The following CNTN3 variants were observed in gnomAD, a reference collection of about 807,000 sequenced individuals.
The protein encoded by CNTN3 is contactin 3.
Under a neutral mutation model 119.1 loss-of-function variants are expected in CNTN3, and 60 were observed. The ratio of observed to expected loss-of-function variants is 0.50; its 90% CI spans 0.41 to 0.62. CNTN3 has a LOEUF of 0.62. Among genes scored for constraint, CNTN3 ranks in the 20% least tolerant of loss-of-function variants. CNTN3 has a pLI of 0.00. For missense variants in CNTN3, 1,101 were observed against 1,242.4 expected, an observed-to-expected ratio of 0.89 and a Z score of 1.71; for synonymous variants, 450 against 438.7, an observed-to-expected ratio of 1.03 and a Z score of -0.32.
chr3:74,380,511 C>T (rs767211724), intron 5 of CNTN3, among the ~76,000 whole-genome samples: 18 of 152,166 alleles, frequency 1.2e-4, no homozygotes, highest in Non-Finnish European at 2.2e-4. Flanking sequence ...TAATTGTAGA[C>T]AATTATGATT....
chr3:74,358,964 T>C (rs1704013713), intron 11 of CNTN3, among the ~76,000 whole-genome samples: 1 of 152,094 alleles, frequency 6.6e-6, no homozygotes, highest in South Asian at 2.1e-4. Context: ...GGCTGCATAG[T>C]ATTCCATGGT....
At chr3:74,470,268 C>T (rs937227299) in intron 4 of CNTN3, among the ~76,000 whole-genome samples, 19 of 152,106 alleles carry the variant, frequency 1.2e-4, no homozygotes, top group African/African-American at 4.3e-4. Flanking sequence ...GTGGTGATGG[C>T]TGCACAACTC....
At chr3:74,611,711 T>C (rs1298639350) in intron 1 of CNTN3, among the ~76,000 whole-genome samples, 1 of 152,204 alleles carries the variant, frequency 6.6e-6, no homozygotes, top group Non-Finnish European at 1.5e-5. Context: ...CCACCAGCAT[T>C]AAGTGATTAA....
chr3:74,520,496 G>T (rs995194413), intron 2 of CNTN3, among the ~76,000 whole-genome samples: 2 of 151,150 alleles, frequency 1.3e-5, no homozygotes, highest in African/African-American at 4.8e-5. Context: ...ATTAACAAAA[G>T]AAAATACAAC....
rs151097770 is a variant in CNTN3 at position 74,409,113 on chromosome 3, T to C, written c.454+15732A>G. ...TGGTCTTGGGTCATGTTAAAGTAAA[T>C]AAGAAGGCCATTCACCTGAGGCTGT... On this transcript the variant is annotated intron_variant, in intron 5 of 22. Coordinates refer to ENST00000263665, the MANE Select transcript of CNTN3 (RefSeq NM_020872.3). Among the ~76,000 whole-genome samples, 14 of 152,256 alleles carry C rather than the reference T, an allele frequency of 9.2e-5. No homozygotes were observed. In the East Asian group the frequency reaches 2.7e-3, roughly 29 times the overall value.
At chr3:74,287,553 C>A (rs560238013) in intron 19 of CNTN3, among the ~76,000 whole-genome samples, 5 of 152,176 alleles carry the variant, frequency 3.3e-5, no homozygotes, top group Non-Finnish European at 7.4e-5. Flanking sequence ...TTAGACCAGA[C>A]ACATTTAAAT....
chr3:74,421,953 G>A (rs1701622363), intron 5 of CNTN3, among the ~76,000 whole-genome samples: 1 of 152,170 alleles, frequency 6.6e-6, no homozygotes, highest in Non-Finnish European at 1.5e-5. Context: ...TGGCACCCAG[G>A]TCATTTTGGC....
intron 5 of CNTN3, among the ~76,000 whole-genome samples, chr3:74,377,607 C>T (rs1034310561): frequency 2.0e-5 from 3 of 152,184 alleles, no homozygotes; most frequent in African/African-American, 4.8e-5. Context: ...GTGTAAATCA[C>T]AAGCACATTA....
intron 4 of CNTN3, among the ~76,000 whole-genome samples, chr3:74,438,416 C>T (rs900869558): frequency 7.9e-5 from 12 of 152,168 alleles, no homozygotes; most frequent in African/African-American, 1.9e-4. Flanking sequence ...TTTTGGAATA[C>T]GGTAGGTGCT....
chr3:74,292,407 A>G (rs1702248268), intron 19 of CNTN3, among the ~76,000 whole-genome samples: 1 of 152,110 alleles, frequency 6.6e-6, no homozygotes, highest in Non-Finnish European at 1.5e-5. Context: ...TCTACTAAAA[A>G]ATACAAAAGT....
chr3:74,565,679 C>G (rs1242611433), intron 1 of CNTN3, among the ~76,000 whole-genome samples: 1 of 152,090 alleles, frequency 6.6e-6, no homozygotes, highest in Non-Finnish European at 1.5e-5. Context: ...TGCAAGGGGG[C>G]TTGGAAATTT....
intron 4 of CNTN3, among the ~76,000 whole-genome samples, chr3:74,453,194 T>G (rs969369723): frequency 1.3e-5 from 2 of 151,954 alleles, no homozygotes; most frequent in African/African-American, 2.4e-5. Context: ...CAATTTCAGC[T>G]CCTGTTATTG....
intron 13 of CNTN3, among the ~76,000 whole-genome samples, chr3:74,307,943 C>T (rs1702597912): frequency 6.6e-6 from 1 of 152,176 alleles, no homozygotes; most frequent in African/African-American, 2.4e-5. Context: ...TGACTTTACA[C>T]AGCCTGTTAT....
intron 4 of CNTN3, among the ~76,000 whole-genome samples, chr3:74,440,857 T>C (rs1268630488): frequency 6.6e-6 from 1 of 152,174 alleles, no homozygotes; most frequent in Non-Finnish European, 1.5e-5. Context: ...TTAGATATTA[T>C]AAGTAATGTA....
At chr3:74,453,391 T>C (rs1268404145) in intron 4 of CNTN3, among the ~76,000 whole-genome samples, 4 of 152,188 alleles carry the variant, frequency 2.6e-5, no homozygotes, top group Admixed American at 6.5e-5. Context: ...ATTGCGTCTA[T>C]TTGATTCTTC....
chr3:74,410,171 C>T (rs1043672542), intron 5 of CNTN3, among the ~76,000 whole-genome samples: 1 of 152,186 alleles, frequency 6.6e-6, no homozygotes, highest in Admixed American at 6.5e-5. Context: ...ATTCTTCTTA[C>T]TCTCTACTCT....
At chr3:74,372,182 T>C (rs1704357520) in intron 5 of CNTN3, among the ~76,000 whole-genome samples, 1 of 152,064 alleles carries the variant, frequency 6.6e-6, no homozygotes, top group African/African-American at 2.4e-5. Context: ...CAAGCGATGT[T>C]AGTTTTTATT....
chr3:74,388,901 C>A (rs1415970748), intron 5 of CNTN3, among the ~76,000 whole-genome samples: 2 of 152,022 alleles, frequency 1.3e-5, no homozygotes, highest in Non-Finnish European at 2.9e-5. Context: ...TGTTAGTTAC[C>A]ACATTTTCAT....
chr3:74,506,377 T>C (rs929966848), intron 2 of CNTN3, among the ~76,000 whole-genome samples: 4 of 152,162 alleles, frequency 2.6e-5, no homozygotes, highest in Non-Finnish European at 5.9e-5. Context: ...TGTTGAAATG[T>C]TCTTTATAGT....
Sources: gnomAD v4.1 joint callset for allele counts (sites outside exome capture counted in the v4.1 genomes callset) on GRCh38, gnomAD v4.1.1 for gene constraint, MANE v1.5 for transcripts, NCBI Gene and HGNC (gene_info 2026-07-23, HGNC 2026-07-21) for gene names.